Variants in PPFIA2 observed in about 807,000 individuals in gnomAD.
The protein encoded by PPFIA2 is PPFI scaffold protein A2, also known as liprin-alpha-2.
In PPFIA2, 46 loss-of-function variants were observed where a neutral mutation model predicts 175.5. That is an observed-to-expected ratio of 0.26 (90% CI 0.21 to 0.34). PPFIA2 has a LOEUF of 0.34. Among genes scored for constraint, PPFIA2 ranks in the 10% least tolerant of loss-of-function variants. PPFIA2 has a pLI of 1.00. For missense variants in PPFIA2, 1,179 were observed against 1,506.1 expected, an observed-to-expected ratio of 0.78 and a Z score of 3.60; for synonymous variants, 568 against 511.4, an observed-to-expected ratio of 1.11 and a Z score of -1.49.
intron 4 of PPFIA2, among the ~76,000 whole-genome samples, chr12:81,461,038 T>C (rs1352945930): frequency 6.6e-6 from 1 of 152,114 alleles, no homozygotes; most frequent in East Asian, 1.9e-4. Context: ...GTCATCAAAC[T>C]TTCAGTGCTT....
In PPFIA2 at chr12:81,600,890, G is replaced by T. The variant is rs564405850; in HGVS notation, c.303+75901C>A. Among the ~76,000 whole-genome samples the T allele has an allele frequency of 2.6e-5, 4 of 152,054 alleles. No individual in the cohort carries two copies. The South Asian group carries it at 8.3e-4, about 31-fold the overall frequency. ...ATAAACTCCATGTACTTTTATGTTT[G>T]CCTGTAAACTGGGTCTAACACAATT... On this transcript the variant is annotated intron_variant, in intron 4 of 32. Transcript: ENST00000549396.
At chr12:81,651,254 G>A (rs1465239774) in intron 4 of PPFIA2, among the ~76,000 whole-genome samples, 1 of 152,136 alleles carries the variant, frequency 6.6e-6, no homozygotes, top group South Asian at 2.1e-4. Flanking sequence ...AGGAATATCT[G>A]AAGGTTTAAG....
At chr12:81,300,142 T>A (rs1199370730) in intron 22 of PPFIA2, among the ~76,000 whole-genome samples, 2 of 152,182 alleles carry the variant, frequency 1.3e-5, no homozygotes, top group African/African-American at 2.4e-5. Context: ...CTCTTACTGA[T>A]TTTTAGAATT....
intron 9 of PPFIA2, among the ~76,000 whole-genome samples, chr12:81,383,713 A>G (rs1304168082): frequency 6.6e-6 from 1 of 152,158 alleles, no homozygotes; most frequent in Non-Finnish European, 1.5e-5. Context: ...TTCATGATTC[A>G]TACACATATC....
At chr12:81,261,453 G>C (rs528360051) in intron 32 of PPFIA2, among the ~76,000 whole-genome samples, 3 of 152,218 alleles carry the variant, frequency 2.0e-5, no homozygotes, top group African/African-American at 7.2e-5. Flanking sequence ...CTGACCTGAA[G>C]TGATCCACCT....
intron 30 of PPFIA2, among the ~76,000 whole-genome samples, chr12:81,265,291 CAAAAAAAAAA>C (rs571821814): frequency 7.1e-5 from 5 of 70,002 alleles, no homozygotes; most frequent in South Asian, 7.1e-4. Flanking sequence ...GAAACTCTGT[CAAAAAAAAAA>C]AAAAAAAAAA....
In PPFIA2 at chr12:81,521,566, C is replaced by T. The variant is rs1454700694; in HGVS notation, c.304-63700G>A. On this transcript the variant is annotated intron_variant, in intron 4 of 32. Transcript: ENST00000549396. The stretch of plus-strand genomic sequence containing the variant: ...CATAGCCTTTTGTTAAAATCGTTGC[C>T]CAGCACTTTGGGACGCCGAGGCGGG... 2.0e-5 allele frequency among the ~76,000 whole-genome samples: 3 copies of T among 151,546 alleles called. No individual in the cohort carries two copies. In the East Asian group the frequency reaches 5.8e-4, roughly 29 times the overall value.
At chr12:81,497,051 T>C (rs2060099145) in intron 4 of PPFIA2, among the ~76,000 whole-genome samples, 1 of 152,170 alleles carries the variant, frequency 6.6e-6, no homozygotes, top group Non-Finnish European at 1.5e-5. Flanking sequence ...AAAGTTGTCA[T>C]AATTAAAATT....
At chr12:81,309,592 T>C (rs886805644) in intron 22 of PPFIA2, among the ~76,000 whole-genome samples, 2 of 152,214 alleles carry the variant, frequency 1.3e-5, no homozygotes, top group African/African-American at 4.8e-5. Flanking sequence ...TTGGTGAAAA[T>C]GTATGAAAAT....
At chr12:81,365,984 C>CCCTTCCTTCCTTCCTTCCTTCCTTCCTT (rs1227188576) in intron 14 of PPFIA2, among the ~76,000 whole-genome samples, 2 of 42,078 alleles carry the variant, frequency 4.8e-5, no homozygotes, top group African/African-American at 1.2e-4. Context: ...CTCCCTCCCT[C>CCCTTCCTTCCTTCCTTCCTTCCTTCCTT]CCTTCCTTCC....
At chr12:81,400,317 G>C (rs992093600) in intron 8 of PPFIA2, among the ~76,000 whole-genome samples, 1 of 152,008 alleles carries the variant, frequency 6.6e-6, no homozygotes, top group Non-Finnish European at 1.5e-5. Flanking sequence ...GTCATTGGTT[G>C]TTCATTCTAA....
intron 9 of PPFIA2, among the ~76,000 whole-genome samples, chr12:81,379,533 A>C (rs2037168429): frequency 6.6e-6 from 1 of 152,128 alleles, no homozygotes; most frequent in Non-Finnish European, 1.5e-5. Context: ...ACTCCACTGA[A>C]AATTTTAGCT....
intron 4 of PPFIA2, among the ~76,000 whole-genome samples, chr12:81,563,950 CACTT>C (rs1410357236): frequency 6.6e-6 from 1 of 151,994 alleles, no homozygotes; most frequent in Non-Finnish European, 1.5e-5. Flanking sequence ...GAAGATGAGT[CACTT>C]ACAAAAAACC....
intron 7 of PPFIA2, among the ~76,000 whole-genome samples, chr12:81,407,803 T>C (rs557868510): frequency 6.6e-6 from 1 of 152,332 alleles, no homozygotes; most frequent in South Asian, 2.1e-4. Context: ...ATGTGTGTTG[T>C]CATCAAACAC....
chr12:81,670,629 T>C (rs955920159), intron 4 of PPFIA2, among the ~76,000 whole-genome samples: 1 of 151,918 alleles, frequency 6.6e-6, no homozygotes, highest in Non-Finnish European at 1.5e-5. Context: ...AATAGTTCTC[T>C]ACAGTCACTG....
chr12:81,515,703 T>A (rs945631040), intron 4 of PPFIA2, among the ~76,000 whole-genome samples: 1 of 152,110 alleles, frequency 6.6e-6, no homozygotes, highest in Non-Finnish European at 1.5e-5. Context: ...CATTTTCTCT[T>A]TTTGAATATT....
intron 3 of PPFIA2, among the ~76,000 whole-genome samples, chr12:81,698,930 C>T (rs2076194267): frequency 6.6e-6 from 1 of 152,042 alleles, no homozygotes; most frequent in Non-Finnish European, 1.5e-5. Flanking sequence ...TTTAGCAAAA[C>T]AGACTTTATT....
At chr12:81,654,640 A>C (rs1417604838) in intron 4 of PPFIA2, among the ~76,000 whole-genome samples, 1 of 152,112 alleles carries the variant, frequency 6.6e-6, no homozygotes, top group African/African-American at 2.4e-5. Context: ...CATGAGCTCC[A>C]AAGGAGACCG....
chr12:81,419,024 AATTT>A (rs1340537048), intron 7 of PPFIA2, among the ~76,000 whole-genome samples: 1 of 151,992 alleles, frequency 6.6e-6, no homozygotes, highest in Non-Finnish European at 1.5e-5. Context: ...ATAGAGGTGA[AATTT>A]ATTTCACCGA....
Sources: gnomAD v4.1 joint callset for allele counts (sites outside exome capture counted in the v4.1 genomes callset) on GRCh38, gnomAD v4.1.1 for gene constraint, MANE v1.5 for transcripts, NCBI Gene and HGNC (gene_info 2026-07-23, HGNC 2026-07-21) for gene names.